GRIK2: variants seen among roughly 807,000 people sequenced by gnomAD.
The protein encoded by GRIK2 is glutamate receptor ionotropic, kainate 2.
Under a neutral mutation model 100.3 loss-of-function variants are expected in GRIK2, and 32 were observed. That is an observed-to-expected ratio of 0.32 (90% CI 0.24 to 0.43). The LOEUF (loss-of-function observed/expected upper bound fraction) is 0.43. GRIK2 is among the 20% of genes least tolerant of loss of function. The probability of loss-of-function intolerance (pLI) is 1.00; values close to 1 mark genes in which losing one functional copy is unlikely to be tolerated. For missense variants in GRIK2, 843 were observed against 1,114.9 expected, an observed-to-expected ratio of 0.76 and a Z score of 3.47; for synonymous variants, 417 against 389.4, an observed-to-expected ratio of 1.07 and a Z score of -0.83.
chr6:101,513,576 T>C (rs1774428560), intron 2 of GRIK2, among the ~76,000 whole-genome samples: 1 of 152,180 alleles, frequency 6.6e-6, no homozygotes, highest in Non-Finnish European at 1.5e-5. Flanking sequence ...TAAAATATTT[T>C]GATGTTCTTC....
At chr6:102,002,215 C>T (rs925238887) in intron 14 of GRIK2, among the ~76,000 whole-genome samples, 2 of 149,282 alleles carry the variant, frequency 1.3e-5, no homozygotes, top group Non-Finnish European at 3.0e-5. Context: ...ATTGGTCTAC[C>T]TTCTATCACA....
chr6:101,807,158 G>GCT (rs1781056256), intron 9 of GRIK2, among the ~76,000 whole-genome samples: 1 of 151,900 alleles, frequency 6.6e-6, no homozygotes, highest in African/African-American at 2.4e-5. Context: ...TCCTAGCTTT[G>GCT]CTCTATACCT....
At chr6:101,619,589 A>C (rs958680130) in intron 2 of GRIK2, among the ~76,000 whole-genome samples, 1 of 152,042 alleles carries the variant, frequency 6.6e-6, no homozygotes, top group Non-Finnish European at 1.5e-5. Flanking sequence ...GAACGAAAAA[A>C]GTAGAAGATT....
intron 2 of GRIK2, among the ~76,000 whole-genome samples, chr6:101,587,232 G>T (rs879389479): frequency 6.6e-6 from 1 of 152,040 alleles, no homozygotes; most frequent in African/African-American, 2.4e-5. Context: ...ATAAGAGATG[G>T]TTTAAAGGGA....
intron 2 of GRIK2, among the ~76,000 whole-genome samples, chr6:101,607,650 A>C (rs1478622103): frequency 6.6e-6 from 1 of 151,880 alleles, no homozygotes; most frequent in Non-Finnish European, 1.5e-5. Flanking sequence ...GCTACAGAAA[A>C]GTGTCTATTT....
At chr6:101,763,329 C>G (rs906601064) in intron 7 of GRIK2, among the ~76,000 whole-genome samples, 1 of 152,138 alleles carries the variant, frequency 6.6e-6, no homozygotes, top group Non-Finnish European at 1.5e-5. Context: ...GAAAACCACT[C>G]TGAATGTGAG....
chr6:101,849,243 C>CA (rs1359205217), intron 10 of GRIK2, among the ~76,000 whole-genome samples: 3 of 151,844 alleles, frequency 2.0e-5, no homozygotes, highest in Non-Finnish European at 4.4e-5. Flanking sequence ...GAAAAACCCC[C>CA]AAACCAAAAC....
At chr6:101,432,325 C>T (rs1476151349) in intron 2 of GRIK2, among the ~76,000 whole-genome samples, 1 of 152,156 alleles carries the variant, frequency 6.6e-6, no homozygotes, top group African/African-American at 2.4e-5. Flanking sequence ...TATGTGCTTA[C>T]TAGAAAGATG....
At chr6:101,474,360 A>G (rs754291368) in intron 2 of GRIK2, among the ~76,000 whole-genome samples, 2 of 151,910 alleles carry the variant, frequency 1.3e-5, no homozygotes, top group East Asian at 1.9e-4. Context: ...TAAACTGCAC[A>G]GAGTATTTAA....
intron 2 of GRIK2, among the ~76,000 whole-genome samples, chr6:101,415,072 G>C (rs1035665960): frequency 1.3e-5 from 2 of 151,602 alleles, no homozygotes; most frequent in African/African-American, 4.9e-5. Context: ...AAGTGTGAAA[G>C]TGAAAATAAA....
At chr6:102,009,137 T>C (rs966685791) in intron 14 of GRIK2, among the ~76,000 whole-genome samples, 1 of 152,096 alleles carries the variant, frequency 6.6e-6, no homozygotes, top group Non-Finnish European at 1.5e-5. Context: ...TATGTAGATA[T>C]GTACTTTATG....
chr6:101,794,679 C>G (rs1362396288), intron 7 of GRIK2, among the ~76,000 whole-genome samples: 4 of 144,122 alleles, frequency 2.8e-5, no homozygotes, highest in African/African-American at 1.2e-4. Flanking sequence ...TCTCATTGAG[C>G]TTCTTTGCTA....
At chr6:101,906,061 A>G (rs1360476237) in intron 12 of GRIK2, among the ~76,000 whole-genome samples, 3 of 151,742 alleles carry the variant, frequency 2.0e-5, no homozygotes, top group Non-Finnish European at 3.0e-5. Context: ...TTTATTGTAT[A>G]ATAAATCATA....
chr6:101,580,489 A>G (rs866311701), intron 2 of GRIK2, among the ~76,000 whole-genome samples: 62 of 152,156 alleles, frequency 4.1e-4, no homozygotes, highest in African/African-American at 1.4e-3. Context: ...CTAAGCCACT[A>G]TTATTTCACA....
intron 2 of GRIK2, among the ~76,000 whole-genome samples, chr6:101,433,743 T>C (rs921616692): frequency 6.6e-6 from 1 of 152,174 alleles, no homozygotes; most frequent in Non-Finnish European, 1.5e-5. Context: ...CCCATAGAGA[T>C]GAGAACATTT....
chr6:101,552,660 C>T (rs775702509), intron 2 of GRIK2, among the ~76,000 whole-genome samples: 17 of 152,132 alleles, frequency 1.1e-4, no homozygotes, highest in Non-Finnish European at 2.4e-4. Context: ...CTTCACTGCA[C>T]ATAATGTGGC....
chr6:101,534,495 G>A (rs1775594769), intron 2 of GRIK2, among the ~76,000 whole-genome samples: 2 of 151,956 alleles, frequency 1.3e-5, no homozygotes, highest in South Asian at 4.1e-4. Context: ...AAGGAACCTG[G>A]TTGTTTTGCT....
intron 7 of GRIK2, among the ~76,000 whole-genome samples, chr6:101,711,388 G>T (rs1773683907): frequency 6.6e-6 from 1 of 151,668 alleles, no homozygotes; most frequent in Non-Finnish European, 1.5e-5. Flanking sequence ...TCCATAATTT[G>T]AGATACAAAA....
intron 2 of GRIK2, among the ~76,000 whole-genome samples, chr6:101,507,123 T>C (rs1181035328): frequency 6.6e-6 from 1 of 152,094 alleles, no homozygotes; most frequent in African/African-American, 2.4e-5. Context: ...TTGACTATTT[T>C]AGGAATCTTG....
Sources: allele counts gnomAD v4.1 joint callset (sites outside exome capture counted in the v4.1 genomes callset), GRCh38; gene constraint gnomAD v4.1.1; transcripts MANE v1.5; gene names NCBI Gene and HGNC (gene_info 2026-07-23, HGNC 2026-07-21).